The following ARHGAP17 variants were observed in gnomAD, a reference collection of about 807,000 sequenced individuals.
The protein encoded by ARHGAP17 is rho GTPase-activating protein 17.
A neutral mutation model predicts 99.5 loss-of-function variants in ARHGAP17; 57 were observed. That is an observed-to-expected ratio of 0.57 (90% CI 0.46 to 0.71). The LOEUF is 0.71. Among genes scored for constraint, ARHGAP17 ranks in the 30% least tolerant of loss-of-function variants. The pLI is 0.00. For synonymous variants in ARHGAP17, 417 were observed against 429.6 expected, an observed-to-expected ratio of 0.97 and a Z score of 0.36; for missense variants, 1,000 against 1,122.4, an observed-to-expected ratio of 0.89 and a Z score of 1.56.
chr16:25,005,670 C>T (rs2141508010), intron 1 of ARHGAP17, among the ~76,000 whole-genome samples: 1 of 152,126 alleles, frequency 6.6e-6, no homozygotes, highest in African/African-American at 2.4e-5. Context: ...AAACTGATAA[C>T]TAAACGTTAA....
intron 9 of ARHGAP17, chr16:24,957,186 G>GA (rs2051834635): frequency 6.6e-6 from 1 of 152,368 alleles, no homozygotes; most frequent in Admixed American, 6.5e-5. Context: ...GTTAAGACCT[G>GA]AATCACTTGG....
intron 2 of ARHGAP17, 105 bp from the exon 3 acceptor site, chr16:24,977,424 T>A: frequency 1.1e-6 from 1 of 899,568 alleles, no homozygotes; most frequent in Non-Finnish European, 1.6e-6. Flanking sequence ...GGAAAAGGGA[T>A]GATCTTGGCT....
intron 15 of ARHGAP17, 104 bp from the exon 16 acceptor site, chr16:24,942,247 A>G: frequency 8.6e-7 from 1 of 1,164,854 alleles, no homozygotes; most frequent in Non-Finnish European, 1.2e-6. Context: ...TTCAGTCCAC[A>G]GCCCTCACTA....
At chr16:24,951,976 C>G (rs1454417974) in intron 12 of ARHGAP17, among the ~76,000 whole-genome samples, 1 of 152,142 alleles carries the variant, frequency 6.6e-6, no homozygotes, top group Non-Finnish European at 1.5e-5. Flanking sequence ...TGACCCCTAT[C>G]CCCAGTTACA....
intron 3 of ARHGAP17, among the ~76,000 whole-genome samples, chr16:24,971,899 G>T (rs529567406): frequency 1.3e-5 from 2 of 152,296 alleles, no homozygotes; most frequent in South Asian, 4.1e-4. Flanking sequence ...AGTGCTGATG[G>T]CCCGGGCCTC....
intron 1 of ARHGAP17, among the ~76,000 whole-genome samples, chr16:24,984,543 C>A (rs949182168): frequency 6.6e-6 from 1 of 152,062 alleles, no homozygotes; most frequent in African/African-American, 2.4e-5. Context: ...GTAGTCCCAG[C>A]TACTCGGGAG....
At chr16:24,954,487 G>A (rs549927446) in intron 10 of ARHGAP17, 116 bp downstream of exon 10, 40 of 1,406,496 alleles carry the variant, frequency 2.8e-5, no homozygotes, top group Non-Finnish European at 3.4e-5. Flanking sequence ...TACACAAAAC[G>A]GACAATGGCT....
chr16:24,943,093 CCAA>C (rs1204036603), intron 15 of ARHGAP17, among the ~76,000 whole-genome samples: 1 of 152,188 alleles, frequency 6.6e-6, no homozygotes, highest in East Asian at 1.9e-4. Context: ...ATCCGGAATT[CCAA>C]CACTTGCCTG....
At chr16:24,979,933 A>T (rs1376276881) in intron 1 of ARHGAP17, among the ~76,000 whole-genome samples, 1 of 152,180 alleles carries the variant, frequency 6.6e-6, no homozygotes, top group Non-Finnish European at 1.5e-5. Flanking sequence ...CTGGTCCCGA[A>T]CTCCTGACCT....
chr16:24,944,364 T>C (rs1362110150), intron 14 of ARHGAP17, among the ~76,000 whole-genome samples: 1 of 152,030 alleles, frequency 6.6e-6, no homozygotes, highest in Non-Finnish European at 1.5e-5. Context: ...GGCTGCTCCT[T>C]AGTGTGCACT....
At position 24,968,642 on chromosome 16, in the gene ARHGAP17, T is replaced by C. The variant is rs1479470183; in HGVS notation, c.384+19A>G. On this transcript the variant is annotated intron_variant, in intron 5 of 19. Transcript: ENST00000289968. ...CACACCACTCTCGGCTCTTCCGTGC[T>C]GCACGGTGAAGCACCCACCTCAGCT... 1 of 1,613,384 alleles carries C rather than the reference T, an allele frequency of 6.2e-7. No homozygotes were observed. Among genetic ancestry groups the C allele is most frequent in the Non-Finnish European group, 8.5e-7 (1 of 1,179,264 alleles).
chr16:24,941,564 A>G, intron 16 of ARHGAP17: 1 of 169,558 alleles, frequency 5.9e-6, no homozygotes, highest in Non-Finnish European at 1.3e-5. Context: ...TATACCAGAA[A>G]TATGTCTCCT....
chr16:24,961,112 C>A (rs1241519601), intron 7 of ARHGAP17, among the ~76,000 whole-genome samples: 1 of 151,762 alleles, frequency 6.6e-6, no homozygotes, highest in Non-Finnish European at 1.5e-5. Flanking sequence ...GATCCACCCA[C>A]CCCAGCCTCC....
At chr16:24,975,300 G>A (rs191503344) in intron 3 of ARHGAP17, among the ~76,000 whole-genome samples, 2 of 152,324 alleles carry the variant, frequency 1.3e-5, no homozygotes, top group East Asian at 1.9e-4. Flanking sequence ...TTTTTGCTTG[G>A]TTGAAAATGG....
chr16:24,974,514 C>T (rs1472853229), intron 3 of ARHGAP17, among the ~76,000 whole-genome samples: 1 of 152,136 alleles, frequency 6.6e-6, no homozygotes. Flanking sequence ...CTGTGATGAC[C>T]GAACTGTCTC....
intron 1 of ARHGAP17, 94 bp from the exon 2 acceptor site, chr16:24,979,099 A>G: frequency 1.1e-6 from 1 of 883,470 alleles, no homozygotes; most frequent in Non-Finnish European, 1.7e-6. Flanking sequence ...TTAAAGCAAA[A>G]CAGGCAGAAA....
rs2052253753 is a variant in ARHGAP17 at position 24,968,335 on chromosome 16, T to C, written c.461+16A>G. 2 of 1,613,822 alleles carry C rather than the reference T, an allele frequency of 1.2e-6. No homozygotes were observed. The highest frequency in any genetic ancestry group is 1.7e-6 in the Non-Finnish European group (2 of 1,179,698). On this transcript the variant is annotated intron_variant, in intron 6 of 19. Transcript: ENST00000289968. The stretch of plus-strand genomic sequence containing the variant: ...GGAATGGGACACAATGCTGCATTGC[T>C]GGCTCAAGCTGTTACCTGGCTCTGA...
At chr16:24,967,985 A>G (rs920379679) in intron 6 of ARHGAP17, among the ~76,000 whole-genome samples, 3 of 152,078 alleles carry the variant, frequency 2.0e-5, no homozygotes, top group Admixed American at 1.3e-4. Context: ...AAGGTATTAC[A>G]AGTACACAGG....
At chr16:24,929,250 C>T (rs1020959578) in intron 19 of ARHGAP17, among the ~76,000 whole-genome samples, 1 of 151,492 alleles carries the variant, frequency 6.6e-6, no homozygotes, top group East Asian at 1.9e-4. Flanking sequence ...ACTGCAGTCT[C>T]GAACTCCTGA....
Sources: allele counts gnomAD v4.1 joint callset (sites outside exome capture counted in the v4.1 genomes callset), GRCh38; gene constraint gnomAD v4.1.1; transcripts MANE v1.5; gene names NCBI Gene and HGNC (gene_info 2026-07-23, HGNC 2026-07-21).